TEX2: variants seen among roughly 807,000 people sequenced by gnomAD.
TEX2 encodes the protein testis expressed 2.
A neutral mutation model predicts 106.9 loss-of-function variants in TEX2; 53 were observed. The ratio of observed to expected loss-of-function variants is 0.50; its 90% CI spans 0.40 to 0.62. TEX2 has a LOEUF of 0.62. Ranked by LOEUF, TEX2 falls within the 20% of genes least tolerant of loss-of-function variation. TEX2 has a pLI of 0.00. For synonymous variants in TEX2, 523 were observed against 534.8 expected, an observed-to-expected ratio of 0.98 and a Z score of 0.30; for missense variants, 1,207 against 1,379.0, an observed-to-expected ratio of 0.88 and a Z score of 1.98.
chr17:64,232,217 T>C (rs1161256395), intron 1 of TEX2, among the ~76,000 whole-genome samples: 1 of 152,196 alleles, frequency 6.6e-6, no homozygotes, highest in African/African-American at 2.4e-5. Context: ...GTATTAATAG[T>C]TGGTGTTTCG....
At chr17:64,190,504 A>G (rs2143877625) in intron 4 of TEX2, among the ~76,000 whole-genome samples, 1 of 152,322 alleles carries the variant, frequency 6.6e-6, no homozygotes, top group Admixed American at 6.5e-5. Context: ...ACCCCCTACG[A>G]GGCCTGGCTG....
At chr17:64,189,754 G>C (rs1254737881) in intron 4 of TEX2, among the ~76,000 whole-genome samples, 1 of 152,156 alleles carries the variant, frequency 6.6e-6, no homozygotes, top group African/African-American at 2.4e-5. Context: ...GGCCGAGACA[G>C]ATGAATCACT....
chr17:64,238,604 G>A (rs1187451241), intron 1 of TEX2, among the ~76,000 whole-genome samples: 1 of 152,216 alleles, frequency 6.6e-6, no homozygotes, highest in Non-Finnish European at 1.5e-5. Flanking sequence ...AGGGTAACAG[G>A]AGAGAGAATG....
In TEX2 at chr17:64,187,455, C is replaced by T. The variant is rs532289598; in HGVS notation, c.2424+713G>A. On this transcript the variant is annotated intron_variant, in intron 5 of 11. Transcript: ENST00000584379. ...TGCCAAGCACACCCCAGCCGAGCCT[C>T]TCCTCACCACCTACTGTCACTACCT... Among the ~76,000 whole-genome samples, 482 of 152,274 alleles carry T rather than the reference C, an allele frequency of 3.2e-3. 1 individual carries two copies. The highest frequency in any genetic ancestry group is 0.01 in the African/African-American group (433 of 41,542).
At chr17:64,216,402 T>A (rs782721210) in intron 1 of TEX2, among the ~76,000 whole-genome samples, 86 of 152,228 alleles carry the variant, frequency 5.6e-4, no homozygotes, top group Non-Finnish European at 9.8e-4. Context: ...TAAGTTGCTT[T>A]CATAACATAA....
At chr17:64,240,839 T>C (rs1278491453) in intron 1 of TEX2, among the ~76,000 whole-genome samples, 3 of 152,312 alleles carry the variant, frequency 2.0e-5, no homozygotes, top group African/African-American at 7.2e-5. Flanking sequence ...ACTGCAGCCC[T>C]GTACAAACAC....
chr17:64,252,522 G>C (rs2143487962), intron 1 of TEX2, among the ~76,000 whole-genome samples: 1 of 152,008 alleles, frequency 6.6e-6, no homozygotes, highest in African/African-American at 2.4e-5. Flanking sequence ...TCCCTATGTT[G>C]CCCAGGCTGG....
chr17:64,226,258 G>A (rs1329026604), intron 1 of TEX2, among the ~76,000 whole-genome samples: 2 of 152,106 alleles, frequency 1.3e-5, no homozygotes, highest in Non-Finnish European at 2.9e-5. Context: ...CAGGGTTCCA[G>A]GCAGTAAGAG....
At chr17:64,227,493 T>A (rs1441887553) in intron 1 of TEX2, among the ~76,000 whole-genome samples, 10 of 152,174 alleles carry the variant, frequency 6.6e-5, no homozygotes, top group African/African-American at 2.2e-4. Context: ...GGAAAAAAAA[T>A]TATATGTAAA....
intron 5 of TEX2, among the ~76,000 whole-genome samples, chr17:64,179,124 G>C (rs1299058633): frequency 1.3e-5 from 2 of 152,210 alleles, no homozygotes; most frequent in Admixed American, 1.3e-4. Context: ...GTGGGGACTT[G>C]GAGAAATTTT....
At chr17:64,220,448 A>G (rs1555633165) in intron 1 of TEX2, among the ~76,000 whole-genome samples, 1 of 152,238 alleles carries the variant, frequency 6.6e-6, no homozygotes, top group African/African-American at 2.4e-5. Context: ...AATTTTTGTA[A>G]TCTATCCATC....
chr17:64,213,316 G>T lies in TEX2; in HGVS notation c.902C>A (p.Pro301His). 3.1e-6 allele frequency: 5 copies of T among 1,614,030 alleles called. No homozygotes were observed. The highest frequency in any genetic ancestry group is 4.2e-6 in the Non-Finnish European group (5 of 1,180,040). ...TATAATTTTACTAAGGAGCTGAAAA[G>T]GCTCATAGATGACTTCTGAAAGGCG... ...KRRLSEVIYE[P>H]FQLLSKIIGE... The change falls in exon 2 of 12, where the codon CCT becomes CAT. Residue 301 changes from proline to histidine, a missense_variant. Physicochemically the swap from Pro to His is moderately conservative, Grantham distance 77. Around this residue, in one of 3 missense-constraint regions of TEX2, gnomAD observed 1,067 missense variants for 1,193.6 expected, o/e 0.89. Coordinates refer to ENST00000584379, the MANE Select transcript of TEX2 (RefSeq NM_001288732.2). The surrounding 1 kb of genome is among the most constrained non-coding windows in gnomAD (Gnocchi z 4.4).
chr17:64,175,261 T>C (rs777940550), intron 6 of TEX2, among the ~76,000 whole-genome samples: 1 of 152,214 alleles, frequency 6.6e-6, no homozygotes, highest in Non-Finnish European at 1.5e-5. Flanking sequence ...CACTTCACAG[T>C]GCAGCAGATC....
rs572352222 is a variant in TEX2, at chr17:64,158,396, T to C, written c.2804+2405A>G. ...CAGGACACCAGGGAGCAGACCCTGATGTGGAGTGAAGCCCTGGACAGGTGG... is the reference window on the plus strand; with the variant it reads ...CAGGACACCAGGGAGCAGACCCTGACGTGGAGTGAAGCCCTGGACAGGTGG... On this transcript the variant is annotated intron_variant, in intron 8 of 11. Coordinates refer to ENST00000584379, the MANE Select transcript of TEX2 (RefSeq NM_001288732.2). Among the ~76,000 whole-genome samples the C allele has an allele frequency of 2.0e-5, 3 of 152,280 alleles. No individual in the cohort carries two copies. The East Asian group carries it at 5.8e-4, about 29-fold the overall frequency.
At chr17:64,226,454 A>G (rs982607359) in intron 1 of TEX2, among the ~76,000 whole-genome samples, 6 of 152,230 alleles carry the variant, frequency 3.9e-5, no homozygotes, top group Admixed American at 2.0e-4. Context: ...TCATGTTTTT[A>G]ACTTTCATGC....
intron 1 of TEX2, among the ~76,000 whole-genome samples, chr17:64,232,190 A>C (rs1823057020): frequency 6.6e-6 from 1 of 152,248 alleles, no homozygotes; most frequent in Non-Finnish European, 1.5e-5. Flanking sequence ...GGATCCTAGG[A>C]GGCTTATAGA....
intron 4 of TEX2, among the ~76,000 whole-genome samples, chr17:64,193,052 C>T (rs910676851): frequency 2.6e-5 from 4 of 152,212 alleles, no homozygotes. Context: ...GGTTTTGTGT[C>T]TCTTGCAGCT....
At chr17:64,262,094 A>G (rs2034297210) in intron 1 of TEX2, among the ~76,000 whole-genome samples, 2 of 152,332 alleles carry the variant, frequency 1.3e-5, no homozygotes, top group South Asian at 4.1e-4. Flanking sequence ...AATCCTCAAA[A>G]CATGTAAAAG....
chr17:64,212,109 A>C (rs1420002013), intron 2 of TEX2, among the ~76,000 whole-genome samples: 3 of 152,148 alleles, frequency 2.0e-5, no homozygotes, highest in Non-Finnish European at 4.4e-5. Context: ...TCTCCATCCC[A>C]TTCCCCACCG....
Sources: gnomAD v4.1 joint callset for allele counts (sites outside exome capture counted in the v4.1 genomes callset) on GRCh38, gnomAD v4.1.1 for gene constraint, gnomAD v4.1.1 regional missense constraint, Gnocchi (gnomAD v3.1) non-coding constraint, MANE v1.5 for transcripts, NCBI Gene and HGNC (gene_info 2026-07-23, HGNC 2026-07-21) for gene names.